Variants in KCNMB2 observed in about 807,000 individuals in gnomAD.
KCNMB2 encodes calcium-activated potassium channel subunit beta-2.
KCNMB2 carries 9 observed loss-of-function variants against 24.5 expected under a neutral mutation model. That is an observed-to-expected ratio of 0.37 (90% CI 0.22 to 0.64). The LOEUF (loss-of-function observed/expected upper bound fraction) is 0.64. Ranked by LOEUF, KCNMB2 falls within the 30% of genes least tolerant of loss-of-function variation. The probability of loss-of-function intolerance (pLI) is 0.63; values close to 1 mark genes in which losing one functional copy is unlikely to be tolerated. For synonymous variants in KCNMB2, 109 were observed against 104.4 expected (o/e 1.04, Z -0.27); for missense variants, 226 against 284.3 (o/e 0.79, Z 1.47).
chr3:178,564,511 A>G (rs1339425855), intron 1 of KCNMB2, among the ~76,000 whole-genome samples: 1 of 152,226 alleles, frequency 6.6e-6, no homozygotes, highest in Non-Finnish European at 1.5e-5. Flanking sequence ...TGTATAAAGT[A>G]GAGTAGTTGG....
At chr3:178,834,924 A>T (rs111505047) in intron 4 of KCNMB2, among the ~76,000 whole-genome samples, 5 of 152,072 alleles carry the variant, frequency 3.3e-5, no homozygotes, top group African/African-American at 1.2e-4. Flanking sequence ...GGGGGAAGGA[A>T]CCTAGTGCTT....
In KCNMB2 at chr3:178,744,187, G is replaced by A. The variant is rs1419620823; in HGVS notation, c.-67-63156G>A. Among the ~76,000 whole-genome samples the A allele has an allele frequency of 7.2e-5, 11 of 152,190 alleles. No homozygotes were observed. In the East Asian group the frequency reaches 2.1e-3, roughly 29 times the overall value. On this transcript the variant is annotated intron_variant, in intron 1 of 4. Transcript: ENST00000452583. The stretch of plus-strand genomic sequence containing the variant: ...ATTTCATGTTAAATGAAGCCATAAT[G>A]GGGCTTTTATTGTTAGGCATTCTGC...
At chr3:178,708,152 G>A (rs1445399500) in intron 1 of KCNMB2, among the ~76,000 whole-genome samples, 1 of 152,038 alleles carries the variant, frequency 6.6e-6, no homozygotes, top group Non-Finnish European at 1.5e-5. Context: ...TCTTATTGGG[G>A]TTTCTAGGGC....
intron 1 of KCNMB2, among the ~76,000 whole-genome samples, chr3:178,760,871 A>G (rs1711834614): frequency 6.6e-6 from 1 of 152,036 alleles, no homozygotes; most frequent in South Asian, 2.1e-4. Context: ...GAATGATTAT[A>G]GAAGATATTT....
intron 1 of KCNMB2, among the ~76,000 whole-genome samples, chr3:178,781,384 G>A (rs976141114): frequency 6.6e-6 from 1 of 151,900 alleles, no homozygotes; most frequent in Admixed American, 6.6e-5. Flanking sequence ...CTGAGGTCAG[G>A]GGTTTGAGAC....
intron 1 of KCNMB2, among the ~76,000 whole-genome samples, chr3:178,654,036 G>T (rs1040865766): frequency 6.6e-6 from 1 of 151,972 alleles, no homozygotes; most frequent in Non-Finnish European, 1.5e-5. Flanking sequence ...GAAGCTTTAG[G>T]TTATAGATCT....
chr3:178,757,300 A>G (rs1286856385), intron 1 of KCNMB2, among the ~76,000 whole-genome samples: 1 of 124,874 alleles, frequency 8.0e-6, no homozygotes, highest in Non-Finnish European at 1.7e-5. Context: ...GGATATATAT[A>G]TATATATCCA....
chr3:178,685,377 C>T (rs1055098942), intron 1 of KCNMB2, among the ~76,000 whole-genome samples: 3 of 152,198 alleles, frequency 2.0e-5, no homozygotes, highest in African/African-American at 4.8e-5. Context: ...CTTTTGATAG[C>T]ATCTTTGCTT....
In KCNMB2 at chr3:178,553,283, C is replaced by A. The variant is rs535615242; in HGVS notation, c.-68+16572C>A. Among the ~76,000 whole-genome samples the A allele has an allele frequency of 2.8e-4, 43 of 152,214 alleles. 2 individuals carry two copies. The highest frequency in any genetic ancestry group is 6.8e-3 in the Middle Eastern group (2 of 294). On this transcript the variant is annotated intron_variant, in intron 1 of 4. Coordinates refer to ENST00000452583, the MANE Select transcript of KCNMB2 (RefSeq NM_181361.3). Reference sequence around the variant, plus strand: ...AATCTGGCACCATGCTAGAAAAGAACCTGAAATCCTGGTTTGTGGCTAGTC... The same window carrying A: ...AATCTGGCACCATGCTAGAAAAGAAACTGAAATCCTGGTTTGTGGCTAGTC...
chr3:178,815,312 T>C (rs962678635), intron 2 of KCNMB2, among the ~76,000 whole-genome samples: 1 of 151,744 alleles, frequency 6.6e-6, no homozygotes, highest in Non-Finnish European at 1.5e-5. Flanking sequence ...CTAATTTTCT[T>C]TTTAGAGATG....
chr3:178,649,295 A>G (rs866592515), intron 1 of KCNMB2, among the ~76,000 whole-genome samples: 34 of 152,280 alleles, frequency 2.2e-4, no homozygotes, highest in Admixed American at 9.2e-4. Context: ...AAAACTAGAG[A>G]TACTCATAAA....
At chr3:178,641,278 T>C (rs1254707521) in intron 1 of KCNMB2, among the ~76,000 whole-genome samples, 1 of 152,172 alleles carries the variant, frequency 6.6e-6, no homozygotes, top group Non-Finnish European at 1.5e-5. Context: ...ATAGATTAAG[T>C]TTGAAAGAAT....
chr3:178,581,014 C>T (rs7615825), intron 1 of KCNMB2, among the ~76,000 whole-genome samples: 56,553 of 151,958 alleles, frequency 0.37, 11,164 homozygotes, highest in African/African-American at 0.52. Context: ...TTAGAAAAAA[C>T]TACCTTAAAG....
chr3:178,583,636 A>T (rs1560118567), intron 1 of KCNMB2, among the ~76,000 whole-genome samples: 1 of 152,220 alleles, frequency 6.6e-6, no homozygotes, highest in Non-Finnish European at 1.5e-5. Flanking sequence ...TTCACAGCTA[A>T]AATCTACTAG....
chr3:178,581,194 G>A (rs931207578), intron 1 of KCNMB2, among the ~76,000 whole-genome samples: 7 of 152,082 alleles, frequency 4.6e-5, no homozygotes, highest in African/African-American at 1.7e-4. Flanking sequence ...ACAAAACAGA[G>A]GCCTCAGAAA....
At chr3:178,768,576 G>A (rs1249970256) in intron 1 of KCNMB2, among the ~76,000 whole-genome samples, 2 of 152,078 alleles carry the variant, frequency 1.3e-5, no homozygotes, top group African/African-American at 4.8e-5. Flanking sequence ...CTGACAAAAT[G>A]TTCTTGGCTG....
At chr3:178,722,987 A>T (rs968411454) in intron 1 of KCNMB2, among the ~76,000 whole-genome samples, 1 of 152,072 alleles carries the variant, frequency 6.6e-6, no homozygotes, top group Non-Finnish European at 1.5e-5. Context: ...TCCTTTCGAT[A>T]TTGGGCTGTC....
intron 1 of KCNMB2, among the ~76,000 whole-genome samples, chr3:178,710,336 C>T (rs1261659168): frequency 3.3e-5 from 5 of 151,904 alleles, no homozygotes; most frequent in African/African-American, 9.7e-5. Flanking sequence ...TTCTTCTTTC[C>T]CCATTGTAAG....
intron 1 of KCNMB2, among the ~76,000 whole-genome samples, chr3:178,633,949 C>A (rs1463188991): frequency 6.6e-6 from 1 of 152,216 alleles, no homozygotes; most frequent in Non-Finnish European, 1.5e-5. Flanking sequence ...GGGCAAAATG[C>A]CGCTAGTCTC....
Sources: allele counts gnomAD v4.1 joint callset (sites outside exome capture counted in the v4.1 genomes callset), GRCh38; gene constraint gnomAD v4.1.1; transcripts MANE v1.5; gene names NCBI Gene and HGNC (gene_info 2026-07-23, HGNC 2026-07-21).